Variants in ERC1 observed in about 807,000 individuals in gnomAD.
ERC1 encodes the protein RAB6 interacting protein 2.
ERC1 carries 56 observed loss-of-function variants against 132.0 expected under a neutral mutation model. That is an observed-to-expected ratio of 0.42 (90% CI 0.34 to 0.53). The LOEUF is 0.53. Ranked by LOEUF, ERC1 falls within the 20% of genes least tolerant of loss-of-function variation. ERC1 has a pLI of 0.03. For missense variants in ERC1, 1,202 were observed against 1,349.9 expected (o/e 0.89, Z 1.72); for synonymous variants, 478 against 476.1 (o/e 1.00, Z -0.05).
chr12:1,109,756 G>C (rs1461842086), intron 4 of ERC1, among the ~76,000 whole-genome samples: 1 of 152,152 alleles, frequency 6.6e-6, no homozygotes, highest in Non-Finnish European at 1.5e-5. Flanking sequence ...TATTTTAGAA[G>C]GAAGGCACTG....
chr12:1,336,918 T>C (rs1472339383), intron 15 of ERC1, among the ~76,000 whole-genome samples: 1 of 152,104 alleles, frequency 6.6e-6, no homozygotes, highest in East Asian at 1.9e-4. Flanking sequence ...CTGCCTCAGC[T>C]TCCTCAGTAG....
chr12:1,382,200 A>G (rs2088762703), intron 16 of ERC1, among the ~76,000 whole-genome samples: 1 of 152,240 alleles, frequency 6.6e-6, no homozygotes, highest in Non-Finnish European at 1.5e-5. Flanking sequence ...ACGAATATCA[A>G]ACACTTCACA....
At chr12:1,165,143 A>G (rs777957647) in intron 8 of ERC1, among the ~76,000 whole-genome samples, 9 of 152,292 alleles carry the variant, frequency 5.9e-5, no homozygotes, top group Non-Finnish European at 1.2e-4. Context: ...CAGAAGGTGA[A>G]TTAATGCTAC....
At chr12:1,046,149 A>G (rs969178148) in intron 2 of ERC1, among the ~76,000 whole-genome samples, 7 of 152,336 alleles carry the variant, frequency 4.6e-5, no homozygotes, top group Non-Finnish European at 8.8e-5. Context: ...ATACATGACT[A>G]CATAGTATTA....
intron 12 of ERC1, among the ~76,000 whole-genome samples, chr12:1,235,472 A>G (rs1290712690): frequency 6.6e-6 from 1 of 152,256 alleles, no homozygotes; most frequent in Non-Finnish European, 1.5e-5. Flanking sequence ...ATAATGTATA[A>G]AGAATACCTA....
At chr12:1,311,064 G>A (rs2081269085) in intron 15 of ERC1, among the ~76,000 whole-genome samples, 1 of 152,246 alleles carries the variant, frequency 6.6e-6, no homozygotes, top group South Asian at 2.1e-4. Context: ...TGAAGAATGA[G>A]AATATCACCT....
At chr12:1,414,211 G>A (rs1032237804) in intron 17 of ERC1, among the ~76,000 whole-genome samples, 2 of 152,174 alleles carry the variant, frequency 1.3e-5, no homozygotes, top group Non-Finnish European at 2.9e-5. Flanking sequence ...GAGACCCCTG[G>A]CTTAAAAAAC....
At chr12:1,078,258 C>T (rs1413634412) in intron 2 of ERC1, among the ~76,000 whole-genome samples, 5 of 152,138 alleles carry the variant, frequency 3.3e-5, no homozygotes, top group Non-Finnish European at 7.4e-5. Context: ...TATATTCACT[C>T]AGGAGTGTCA....
chr12:1,416,019 A>G (rs1022530467), intron 17 of ERC1, among the ~76,000 whole-genome samples: 5 of 152,378 alleles, frequency 3.3e-5, no homozygotes, highest in African/African-American at 1.2e-4. Flanking sequence ...AACCCAGGAC[A>G]GACTCCAGAC....
chr12:1,438,733 G>A (rs1315888025), intron 17 of ERC1, among the ~76,000 whole-genome samples: 1 of 152,074 alleles, frequency 6.6e-6, no homozygotes, highest in African/African-American at 2.4e-5. Context: ...CATGAGCCCA[G>A]GAGTTAAAGA....
intron 11 of ERC1, among the ~76,000 whole-genome samples, chr12:1,185,715 A>G (rs1442223238): frequency 6.7e-6 from 1 of 149,468 alleles, no homozygotes; most frequent in Non-Finnish European, 1.5e-5. Flanking sequence ...CCTTCCCGAA[A>G]TAGGAACTCT....
At chr12:1,184,996 C>A (rs989176094) in intron 11 of ERC1, among the ~76,000 whole-genome samples, 3 of 152,102 alleles carry the variant, frequency 2.0e-5, no homozygotes, top group Non-Finnish European at 4.4e-5. Flanking sequence ...CTGCAACCTC[C>A]GCCTCCCGGT....
At chr12:1,116,504 A>T (rs1946458083) in intron 7 of ERC1, among the ~76,000 whole-genome samples, 1 of 152,238 alleles carries the variant, frequency 6.6e-6, no homozygotes, top group African/African-American at 2.4e-5. Context: ...TCTAATTTTA[A>T]ACCACAGATT....
intron 4 of ERC1, among the ~76,000 whole-genome samples, chr12:1,106,264 A>G (rs1945252908): frequency 6.6e-6 from 1 of 152,242 alleles, no homozygotes; most frequent in Non-Finnish European, 1.5e-5. Context: ...CATTCAATCC[A>G]TACTAGCTGT....
chr12:1,153,403 C>T (rs770899265), intron 8 of ERC1, among the ~76,000 whole-genome samples: 4 of 152,212 alleles, frequency 2.6e-5, no homozygotes, highest in African/African-American at 4.8e-5. Flanking sequence ...GAGACTTATA[C>T]GTGTTTAACT....
intron 17 of ERC1, among the ~76,000 whole-genome samples, chr12:1,440,374 T>G (rs1466786059): frequency 1.3e-5 from 2 of 149,640 alleles, no homozygotes; most frequent in Non-Finnish European, 3.0e-5. Flanking sequence ...CCGGCTAATT[T>G]TTTTTGTATT....
At chr12:1,247,677 T>C (rs1207847451) in intron 13 of ERC1, among the ~76,000 whole-genome samples, 3 of 152,198 alleles carry the variant, frequency 2.0e-5, no homozygotes, top group Non-Finnish European at 2.9e-5. Context: ...ATTGTTGACT[T>C]CGTAAACCCG....
At chr12:1,467,232 C>A (rs570747453) in intron 18 of ERC1, among the ~76,000 whole-genome samples, 53 of 152,178 alleles carry the variant, frequency 3.5e-4, no homozygotes. Flanking sequence ...GATAAGGCTC[C>A]GACCTGCGTG....
intron 8 of ERC1, among the ~76,000 whole-genome samples, chr12:1,143,053 C>A (rs1418639354): frequency 6.6e-6 from 1 of 152,060 alleles, no homozygotes; most frequent in African/African-American, 2.4e-5. Context: ...TGCCTGCCCC[C>A]ACATCTGGTT....
Sources: gnomAD v4.1 joint callset for allele counts (sites outside exome capture counted in the v4.1 genomes callset) on GRCh38, gnomAD v4.1.1 for gene constraint, MANE v1.5 for transcripts, NCBI Gene and HGNC (gene_info 2026-07-23, HGNC 2026-07-21) for gene names.